The following CAGE1 variants were observed in gnomAD, a reference collection of about 807,000 sequenced individuals.
CAGE1 encodes cancer-associated gene 1 protein.
In CAGE1, 66 loss-of-function variants were observed where a neutral mutation model predicts 94.9. That is an observed-to-expected ratio of 0.70 (90% CI 0.57 to 0.85). The LOEUF (loss-of-function observed/expected upper bound fraction) is 0.85. Ranked by LOEUF, CAGE1 falls within the 40% of genes least tolerant of loss-of-function variation. The pLI, the probability that CAGE1 is intolerant of heterozygous loss-of-function variation, is 0.00. For synonymous variants in CAGE1, 319 were observed against 321.0 expected, an observed-to-expected ratio of 0.99 and a Z score of 0.07; for missense variants, 865 against 950.4, an observed-to-expected ratio of 0.91 and a Z score of 1.18.
Position 7,389,481 on chromosome 6 carries a change from A to G in CAGE1, c.-303T>C, listed in dbSNP as rs970608424. On this transcript the variant is annotated 5_prime_UTR_variant, in exon 1 of 14. Transcript: ENST00000502583. ...GGGGGAACTCCGCAGAGACAGGTGC[A>G]GCCCGCGAGGCCCGAGCGACCCTAC... The G allele has an allele frequency of 2.6e-6, 1 of 380,042 alleles. No individual in the cohort carries two copies. The allele number at this position is 380,042 out of a possible 1,614,324, so 23.5% of individuals were successfully genotyped here.
At chr6:7,335,592 T>C (rs1411499113) in intron 11 of CAGE1, among the ~76,000 whole-genome samples, 1 of 152,266 alleles carries the variant, frequency 6.6e-6, no homozygotes, top group Non-Finnish European at 1.5e-5. Flanking sequence ...AAAGTTTTAC[T>C]ATTCAGAGAC....
chr6:7,377,685 C>A (rs1676607468), intron 4 of CAGE1, among the ~76,000 whole-genome samples: 1 of 152,040 alleles, frequency 6.6e-6, no homozygotes, highest in African/African-American at 2.4e-5. Context: ...TGCGGTGAGC[C>A]AAGATCATGC....
At chr6:7,370,095 A>G in intron 5 of CAGE1, 30 bp from the exon 6 acceptor site, 1 of 1,517,564 alleles carries the variant, frequency 6.6e-7, no homozygotes, top group Non-Finnish European at 8.9e-7. Flanking sequence ...ATTTGTCAAA[A>G]TAATGATGAA....
rs1292872934 is a variant in CAGE1, at chr6:7,378,703, G to C, written c.601C>G (p.Leu201Val). ...PPLIHCSGEM[L>V]KFTEKSLAKS... Reference sequence around the variant, plus strand: ...GCCAGTGACTTTTCTGTAAATTTCAGCATCTCTCCACTGCAGTGGATTAGA... The same window carrying C: ...GCCAGTGACTTTTCTGTAAATTTCACCATCTCTCCACTGCAGTGGATTAGA... The change falls in exon 4 of 14, where the codon CTG becomes GTG. Residue 201 changes from leucine to valine, a missense_variant. Transcript: ENST00000502583. 6.2e-7 allele frequency: 1 copy of C among 1,613,352 alleles called. No individual in the cohort carries two copies. The highest frequency in any genetic ancestry group is 8.5e-7 in the Non-Finnish European group (1 of 1,179,758).
At chr6:7,340,696 T>G (rs1974043) in intron 11 of CAGE1, among the ~76,000 whole-genome samples, 3 of 152,024 alleles carry the variant, frequency 2.0e-5, no homozygotes, top group Admixed American at 1.3e-4. Flanking sequence ...TTTTCTTAGT[T>G]GCAGCACTGA....
At chr6:7,361,157 G>A (rs558427414) in intron 9 of CAGE1, among the ~76,000 whole-genome samples, 1 of 152,260 alleles carries the variant, frequency 6.6e-6, no homozygotes, top group African/African-American at 2.4e-5. Context: ...TTATTCATGT[G>A]ATGAAAATAT....
At chr6:7,361,393 C>A (rs528828639) in intron 9 of CAGE1, among the ~76,000 whole-genome samples, 1 of 152,228 alleles carries the variant, frequency 6.6e-6, no homozygotes, top group South Asian at 2.1e-4. Context: ...GGTTATGACT[C>A]TTTATTAAGT....
chr6:7,373,311 T>C lies in CAGE1; in HGVS notation c.1508A>G (p.Gln503Arg), dbSNP rs1188629000. 6.2e-7 allele frequency: 1 copy of C among 1,608,008 alleles called. No individual in the cohort carries two copies. The highest frequency in any genetic ancestry group is 8.5e-7 in the Non-Finnish European group (1 of 1,177,272). Residue 503 changes from glutamine (Q) to arginine (R), a missense_variant, in exon 5 of 14, where the codon CAG (glutamine) becomes CGG (arginine). Physicochemically the swap from Gln to Arg is conservative, Grantham distance 43. Coordinates refer to ENST00000502583, the MANE Select transcript of CAGE1 (RefSeq NM_001170692.2). ...KLEKENLEER[Q>R]KLKSRLEKLL... ...TTTCTCAAGTCTAGATTTCAGTTTC[T>C]GTCTTTCTTCCAGGTTTTCCTTTTC...
At chr6:7,387,237 A>T (rs1175510956) in intron 1 of CAGE1, 41 bp from the exon 2 acceptor site, 1 of 1,203,558 alleles carries the variant, frequency 8.3e-7, no homozygotes, top group East Asian at 2.6e-5. Flanking sequence ...TATAAACAAA[A>T]AGTTTTTTCC....
chr6:7,356,109 G>A lies in CAGE1; in HGVS notation c.2214C>T (p.Leu738=). The change falls in exon 10 of 14, where the codon CTC becomes CTT. Residue 738 remains leucine (L), a synonymous_variant. Coordinates refer to ENST00000502583, the MANE Select transcript of CAGE1 (RefSeq NM_001170692.2). ...TGCAGTGGTTTTCTTTTGACTCTAG[G>A]AGATGTCCCAGTTTTGTGATCTATG... is the stretch of plus-strand genomic sequence containing the variant. ...LDFLITKLGH[L]LESKENHCNR... 1 of 1,546,710 alleles carries A rather than the reference G, an allele frequency of 6.5e-7. No homozygotes were observed.
intron 3 of CAGE1, 30 bp downstream of exon 3, chr6:7,385,755 T>TG: frequency 7.2e-7 from 1 of 1,393,744 alleles, no homozygotes; most frequent in Non-Finnish European, 9.7e-7. Flanking sequence ...GTTTCTCTCT[T>TG]TTGCATATTG....
intron 10 of CAGE1, 54 bp from the exon 11 acceptor site, chr6:7,355,165 TTC>T: frequency 7.7e-7 from 1 of 1,305,976 alleles, no homozygotes; most frequent in Non-Finnish European, 1.1e-6. Context: ...TTTTATTTTT[TTC>T]TTTTTTATGA....
At chr6:7,384,872 A>G (rs747325676) in intron 3 of CAGE1, among the ~76,000 whole-genome samples, 19 of 152,070 alleles carry the variant, frequency 1.2e-4, no homozygotes, top group African/African-American at 2.7e-4. Context: ...AATTTTTTGT[A>G]TTTTTAGTAG....
intron 5 of CAGE1, among the ~76,000 whole-genome samples, chr6:7,370,969 A>C (rs1311083799): frequency 1.3e-5 from 2 of 152,260 alleles, no homozygotes; most frequent in Non-Finnish European, 2.9e-5. Flanking sequence ...TGTTAGAGAA[A>C]TTGATTAATC....
At position 7,365,856 on chromosome 6, in the gene CAGE1, G is replaced by C. The variant is rs1296563931; in HGVS notation, c.2033C>G (p.Thr678Ser). ...TTCCTTAGCAATTAACTCTCTAAAG[G>C]TTGTGATTCTATCTTTATGTTTCAG... ...ELLKHKDRIT[T>S]FRELIAKEKA... Residue 678 changes from threonine (T) to serine (S), a missense_variant, in exon 8 of 14, where the codon ACC becomes AGC. Thr to Ser is a moderately conservative substitution (Grantham distance 58). Transcript: ENST00000502583. 14 of 1,536,772 alleles carry C rather than the reference G, an allele frequency of 9.1e-6. No individual in the cohort carries two copies. The highest frequency in any genetic ancestry group is 1.2e-5 in the Non-Finnish European group (14 of 1,137,600).
chr6:7,370,223 T>C (rs1203603711), intron 5 of CAGE1, among the ~76,000 whole-genome samples, 158 bp from the exon 6 acceptor site: 2 of 152,230 alleles, frequency 1.3e-5, no homozygotes, highest in African/African-American at 4.8e-5. Flanking sequence ...ACTGAGAATA[T>C]TTTTAAATAT....
At chr6:7,370,149 C>G in intron 5 of CAGE1, 84 bp from the exon 6 acceptor site, 1 of 1,045,412 alleles carries the variant, frequency 9.6e-7, no homozygotes, top group South Asian at 2.2e-5. Context: ...TAAAATGGCA[C>G]TCTTAAAAAC....
intron 11 of CAGE1, chr6:7,338,736 C>CTTGGG: frequency 1.5e-6 from 1 of 680,346 alleles, no homozygotes; most frequent in Admixed American, 2.3e-5. Context: ...TCCCCAAAGT[C>CTTGGG]CACTGTATCA....
chr6:7,362,041 T>C lies in CAGE1; in HGVS notation c.2193+3427A>G, dbSNP rs1760182750. The stretch of plus-strand genomic sequence containing the variant: ...CACAAGATACTGGGCTTTGATTGTT[T>C]TCTTTTGGCTCACTTGGAAAATTTT... On this transcript the variant is annotated intron_variant, in intron 9 of 13. Coordinates refer to ENST00000502583, the MANE Select transcript of CAGE1 (RefSeq NM_001170692.2). The surrounding 1 kb of genome is among the most constrained non-coding windows in gnomAD (Gnocchi z 4.1). Among the ~76,000 whole-genome samples, 1 of 152,234 alleles carries C rather than the reference T, an allele frequency of 6.6e-6. No homozygotes were observed. Among genetic ancestry groups the C allele is most frequent in the Non-Finnish European group, 1.5e-5 (1 of 68,034 alleles).
Sources: gnomAD v4.1 joint callset for allele counts (sites outside exome capture counted in the v4.1 genomes callset) on GRCh38, gnomAD v4.1.1 for gene constraint, Gnocchi (gnomAD v3.1) non-coding constraint, MANE v1.5 for transcripts, NCBI Gene and HGNC (gene_info 2026-07-23, HGNC 2026-07-21) for gene names.